TSPAN9: variants seen among roughly 807,000 people sequenced by gnomAD.
The protein encoded by TSPAN9 is tetraspanin 9.
Under a neutral mutation model 31.0 loss-of-function variants are expected in TSPAN9, and 16 were observed. The ratio of observed to expected loss-of-function variants is 0.52; its 90% CI spans 0.35 to 0.78. The LOEUF is 0.78. TSPAN9 is among the 30% of genes least tolerant of loss of function. The pLI, the probability that TSPAN9 is intolerant of heterozygous loss-of-function variation, is 0.01. For synonymous variants in TSPAN9, 145 were observed against 121.6 expected, an observed-to-expected ratio of 1.19 and a Z score of -1.27; for missense variants, 272 against 312.5, an observed-to-expected ratio of 0.87 and a Z score of 0.98.
In TSPAN9 at chr12:3,147,490, G is replaced by A. The variant is rs779835327; in HGVS notation, c.-17-53687G>A. ...AGTGGCCTCTCCCTCCTTCAGGATCGCCCCCACCTTCCCTGCCCACTTCCA... is the reference window on the plus strand; with the variant it reads ...AGTGGCCTCTCCCTCCTTCAGGATCACCCCCACCTTCCCTGCCCACTTCCA... On this transcript the variant is annotated intron_variant, in intron 2 of 8. Coordinates refer to ENST00000011898, the MANE Select transcript of TSPAN9 (RefSeq NM_006675.5). This position sits in a 1 kb window ranked among gnomAD's most constrained non-coding sequence, Gnocchi z 4.3. Among the ~76,000 whole-genome samples the A allele has an allele frequency of 2.0e-5, 3 of 152,160 alleles. No individual in the cohort carries two copies. Among genetic ancestry groups the A allele is most frequent in the East Asian group, 3.9e-4 (2 of 5,162 alleles).
chr12:3,135,825 G>A (rs1047736816), intron 2 of TSPAN9, among the ~76,000 whole-genome samples: 2 of 152,168 alleles, frequency 1.3e-5, no homozygotes, highest in East Asian at 1.9e-4. Flanking sequence ...CCTCTCAGAC[G>A]TACCCTGTGT....
rs1278052128 is a variant in TSPAN9 at position 3,172,431 on chromosome 12, CGA to C, written c.-17-28739_-17-28738del. The C allele has an allele frequency of 3.9e-5, 6 of 152,242 alleles. No individual in the cohort carries two copies. The highest frequency in any genetic ancestry group is 1.2e-4 in the African/African-American group (5 of 41,464). 9.4% of individuals were successfully genotyped at this position (152,242 alleles called of 1,614,324 possible). ...CAGACCTGATTCTTTATCTCTAAAA[CGA>C]GAGAGATTAATAACTGGTGGTTCTT... On this transcript the variant is annotated intron_variant, in intron 2 of 8. Coordinates refer to ENST00000011898, the MANE Select transcript of TSPAN9 (RefSeq NM_006675.5). This position sits in a 1 kb window ranked among gnomAD's most constrained non-coding sequence, Gnocchi z 4.8.
intron 2 of TSPAN9, among the ~76,000 whole-genome samples, chr12:3,178,393 C>T (rs1161124267): frequency 6.6e-6 from 1 of 151,846 alleles, no homozygotes; most frequent in East Asian, 1.9e-4. Context: ...TGGGTTCAAG[C>T]GATTCTCCTG....
chr12:3,286,051 C>G lies in TSPAN9; in HGVS notation c.*2935C>G, dbSNP rs1436682799. The G allele has an allele frequency of 6.6e-6, 1 of 152,648 alleles. No individual in the cohort carries two copies. Among genetic ancestry groups the G allele is most frequent in the Admixed American group, 6.5e-5 (1 of 15,282 alleles). 9.5% of individuals were successfully genotyped at this position (152,648 alleles called of 1,614,324 possible). On this transcript the variant is annotated 3_prime_UTR_variant, in exon 9 of 9. Transcript: ENST00000011898. This position sits in a 1 kb window ranked among gnomAD's most constrained non-coding sequence, Gnocchi z 4.1. ...GCAGGTGTCCTGGTTTGACTTGGAA[C>G]TAGATGGCCATCTTTCCAGGCTTTG...
chr12:3,210,232 C>A (rs781087519), intron 3 of TSPAN9, among the ~76,000 whole-genome samples: 44 of 152,098 alleles, frequency 2.9e-4, no homozygotes, highest in Non-Finnish European at 3.7e-4. Flanking sequence ...TGTAATGGCA[C>A]CGTGGAGCTT....
intron 3 of TSPAN9, among the ~76,000 whole-genome samples, chr12:3,234,518 A>G (rs1318601771): frequency 2.0e-5 from 3 of 152,192 alleles, no homozygotes; most frequent in Admixed American, 2.0e-4. Flanking sequence ...GTGACAGGCT[A>G]CTTTATCATC....
At chr12:3,247,962 G>A (rs1396349535) in intron 3 of TSPAN9, among the ~76,000 whole-genome samples, 8 of 152,232 alleles carry the variant, frequency 5.3e-5, no homozygotes, top group African/African-American at 2.4e-5. Flanking sequence ...GTGGGGAAGC[G>A]CAGCGGGGCA....
At chr12:3,214,665 C>T (rs370169725) in intron 3 of TSPAN9, among the ~76,000 whole-genome samples, 9 of 152,044 alleles carry the variant, frequency 5.9e-5, no homozygotes, top group African/African-American at 1.9e-4. Context: ...GATTTGAACA[C>T]GCCCTCCCCC....
chr12:3,088,840 G>C (rs977991626), intron 2 of TSPAN9, among the ~76,000 whole-genome samples: 6 of 152,088 alleles, frequency 3.9e-5, no homozygotes, highest in African/African-American at 1.2e-4. Context: ...GAGCTGTTCT[G>C]TCTGGGGCAC....
intron 2 of TSPAN9, among the ~76,000 whole-genome samples, chr12:3,092,509 A>G (rs569461648): frequency 2.0e-5 from 3 of 152,288 alleles, no homozygotes; most frequent in South Asian, 4.2e-4. Context: ...TGCAGCACCT[A>G]TAACACCCAG....
chr12:3,130,518 G>A (rs1351554788), intron 2 of TSPAN9, among the ~76,000 whole-genome samples: 1 of 152,164 alleles, frequency 6.6e-6, no homozygotes, highest in Non-Finnish European at 1.5e-5. Context: ...GTGTCTGGAG[G>A]CAACACCCCA....
At chr12:3,138,765 T>C (rs923895767) in intron 2 of TSPAN9, among the ~76,000 whole-genome samples, 4 of 151,998 alleles carry the variant, frequency 2.6e-5, no homozygotes, top group Non-Finnish European at 5.9e-5. Context: ...AAGTGAGCCA[T>C]CGCATCCGGG....
At chr12:3,198,134 C>G in intron 2 of TSPAN9, among the ~76,000 whole-genome samples, 1 of 97,448 alleles carries the variant, frequency 1.0e-5, no homozygotes, top group African/African-American at 4.0e-5. Flanking sequence ...CAGGCCACCA[C>G]CAGCACAGGT....
At chr12:3,253,814 C>G (rs1862297616) in intron 3 of TSPAN9, among the ~76,000 whole-genome samples, 1 of 152,292 alleles carries the variant, frequency 6.6e-6, no homozygotes, top group Middle Eastern at 3.4e-3. Context: ...GTTCTGTCTG[C>G]TGTGCGTGGG....
intron 1 of TSPAN9, among the ~76,000 whole-genome samples, chr12:3,082,523 T>C (rs1265515878): frequency 6.6e-6 from 1 of 152,148 alleles, no homozygotes; most frequent in Non-Finnish European, 1.5e-5. Context: ...TGGGAGGCCC[T>C]GGGAAGTTTG....
intron 3 of TSPAN9, among the ~76,000 whole-genome samples, chr12:3,264,799 C>T (rs1336527048): frequency 6.6e-6 from 1 of 152,332 alleles, no homozygotes; most frequent in Middle Eastern, 3.4e-3. Context: ...ATCCTGACGA[C>T]GACTCTATGT....
intron 3 of TSPAN9, among the ~76,000 whole-genome samples, chr12:3,236,640 T>C (rs1047362992): frequency 2.0e-5 from 3 of 152,230 alleles, no homozygotes; most frequent in African/African-American, 7.2e-5. Context: ...TTCTGGGGAC[T>C]GGAAAAAATG....
chr12:3,178,291 C>CTTTTCT (rs539241336), intron 2 of TSPAN9, among the ~76,000 whole-genome samples: 6 of 144,138 alleles, frequency 4.2e-5, no homozygotes, highest in African/African-American at 1.5e-4. Context: ...GTTTCTTTTT[C>CTTTTCT]TTTTTTTTTT....
intron 2 of TSPAN9, among the ~76,000 whole-genome samples, chr12:3,191,584 A>T (rs1441090123): frequency 6.6e-6 from 1 of 152,154 alleles, no homozygotes; most frequent in Admixed American, 6.5e-5. Flanking sequence ...AGGTGGCACG[A>T]GGTGATCAGA....
Sources: gnomAD v4.1 joint callset for allele counts (sites outside exome capture counted in the v4.1 genomes callset) on GRCh38, gnomAD v4.1.1 for gene constraint, Gnocchi (gnomAD v3.1) non-coding constraint, MANE v1.5 for transcripts, NCBI Gene and HGNC (gene_info 2026-07-23, HGNC 2026-07-21) for gene names.